TPPP: variants seen among roughly 807,000 people sequenced by gnomAD.
TPPP encodes tubulin polymerization-promoting protein.
In TPPP, 6 loss-of-function variants were observed where a neutral mutation model predicts 15.5. The observed-to-expected ratio is 0.39, with a 90% CI of 0.21 to 0.77. The LOEUF is 0.77. Ranked by LOEUF, TPPP falls within the 30% of genes least tolerant of loss-of-function variation. The probability of loss-of-function intolerance (pLI) is 0.42; values close to 1 mark genes in which losing one functional copy is unlikely to be tolerated. For synonymous variants in TPPP, 146 were observed against 133.9 expected (o/e 1.09, Z -0.63); for missense variants, 269 against 307.2 (o/e 0.88, Z 0.93).
Position 662,056 on chromosome 5 carries a change from C to T in TPPP, c.*3046G>A, listed in dbSNP as rs1417200909. ...CAGCCTCGATCTCATTCACGAAACC[C>T]ACAGGCGTGGCCTAGGGTTTGGGAT... is the stretch of plus-strand genomic sequence containing the variant. On this transcript the variant is annotated 3_prime_UTR_variant, in exon 4 of 4. Transcript: ENST00000360578. The T allele has an allele frequency of 6.6e-6, 1 of 152,428 alleles. No homozygotes were observed. The highest frequency in any genetic ancestry group is 1.9e-4 in the East Asian group (1 of 5,328). 9.4% of individuals were successfully genotyped at this position (152,428 alleles called of 1,614,324 possible). A position where few individuals can be genotyped will look rare whatever the true frequency, so the allele number is the denominator to read the frequency against.
chr5:698,593 AG>A, the TPPP span, among the ~76,000 whole-genome samples: 1 of 151,954 alleles, frequency 6.6e-6, no homozygotes, highest in Admixed American at 6.6e-5. Flanking sequence ...GCCAAGTGAA[AG>A]GGGTTTCCCC....
chr5:661,771 T>G lies in TPPP; in HGVS notation c.*3331A>C, dbSNP rs1179073674. 1 of 152,516 alleles carries G rather than the reference T, an allele frequency of 6.6e-6. No homozygotes were observed. The highest frequency in any genetic ancestry group is 1.9e-4 in the East Asian group (1 of 5,328). The allele number at this position is 152,516 out of a possible 1,614,324, so 9.4% of individuals were successfully genotyped here. A position where few individuals can be genotyped will look rare whatever the true frequency, so the allele number is the denominator to read the frequency against. On this transcript the variant is annotated 3_prime_UTR_variant, in exon 4 of 4. Coordinates refer to ENST00000360578, the MANE Select transcript of TPPP (RefSeq NM_007030.3). The stretch of plus-strand genomic sequence containing the variant: ...GTGGTGACCACTATGTCCTCGTGAC[T>G]TTATTTTTGCTACCCCTCCTGGCTA...
At chr5:676,929 C>T (rs1035974985) in intron 2 of TPPP, among the ~76,000 whole-genome samples, 13 of 146,144 alleles carry the variant, frequency 8.9e-5, no homozygotes, top group African/African-American at 3.0e-4. Context: ...CAGAAACGCA[C>T]GCGCGCACAC....
At chr5:667,406 A>T (rs182081360) in intron 2 of TPPP, among the ~76,000 whole-genome samples, 1 of 152,286 alleles carries the variant, frequency 6.6e-6, no homozygotes, top group East Asian at 1.9e-4. Flanking sequence ...ACTGCACACT[A>T]TATACAAAAC....
chr5:669,076 C>CG (rs986086533), intron 2 of TPPP, among the ~76,000 whole-genome samples: 28 of 152,354 alleles, frequency 1.8e-4, no homozygotes, highest in African/African-American at 5.3e-4. Context: ...ACCAAGTGCT[C>CG]GGGGTCCCAC....
intron 2 of TPPP, among the ~76,000 whole-genome samples, chr5:673,429 G>A (rs1161910208): frequency 6.6e-6 from 1 of 152,084 alleles, no homozygotes; most frequent in East Asian, 1.9e-4. Flanking sequence ...TGGGGGGCCA[G>A]GGTCACAGGG....
At chr5:668,255 G>A (rs76677870) in intron 2 of TPPP, among the ~76,000 whole-genome samples, 63 of 31,898 alleles carry the variant, frequency 2.0e-3, no homozygotes, top group Non-Finnish European at 2.6e-3. Flanking sequence ...AGGGAAGTGC[G>A]GACAAGCACA....
chr5:697,803 G>A (rs1279982695), upstream of TPPP, among the ~76,000 whole-genome samples: 5 of 149,860 alleles, frequency 3.3e-5, no homozygotes, highest in South Asian at 6.5e-4. Context: ...CCAAGAAATC[G>A]AAGAGGGGGG....
At chr5:678,971 AG>A (rs1414034752) in intron 1 of TPPP, among the ~76,000 whole-genome samples, 1 of 152,052 alleles carries the variant, frequency 6.6e-6, no homozygotes. Flanking sequence ...TGCTGGACTC[AG>A]GGCATGAAAG....
At chr5:695,574 A>C (rs1740997107), upstream of TPPP, among the ~76,000 whole-genome samples, 1 of 150,650 alleles carries the variant, frequency 6.6e-6, no homozygotes, top group Non-Finnish European at 1.5e-5. Context: ...TCCGAGATCA[A>C]GGCCTGTGCG....
At chr5:693,593 G>A (rs1452821259), upstream of TPPP, among the ~76,000 whole-genome samples, 2 of 151,708 alleles carry the variant, frequency 1.3e-5, no homozygotes, top group Non-Finnish European at 1.5e-5. Context: ...TCCGCTCAGC[G>A]CAGGGCGCGG....
rs1739770268 is a variant in TPPP, at chr5:663,543, G to C, written c.*1559C>G. 6.6e-6 allele frequency: 1 copy of C among 152,458 alleles called. No individual in the cohort carries two copies. The highest frequency in any genetic ancestry group is 2.4e-5 in the African/African-American group (1 of 41,476). 9.4% of individuals were successfully genotyped at this position (152,458 alleles called of 1,614,324 possible). On this transcript the variant is annotated 3_prime_UTR_variant, in exon 4 of 4. Transcript: ENST00000360578. ...CCTCAGCGGACCATGCTGGCTGGGA[G>C]CTCCGCCCTGGGGCTTCTGCTCTGC...
the TPPP span, among the ~76,000 whole-genome samples, chr5:699,164 G>A: frequency 6.6e-6 from 1 of 151,930 alleles, no homozygotes; most frequent in African/African-American, 2.4e-5. Flanking sequence ...AACCCAAAAA[G>A]AGCCCAACTA....
At chr5:693,969 T>G (rs1234841473), upstream of TPPP, among the ~76,000 whole-genome samples, 1 of 146,782 alleles carries the variant, frequency 6.8e-6, no homozygotes, top group East Asian at 2.0e-4. Flanking sequence ...GGGAGACGGG[T>G]CCGTGCCGGG....
At chr5:700,505 G>A in the TPPP span, among the ~76,000 whole-genome samples, 1 of 151,972 alleles carries the variant, frequency 6.6e-6, no homozygotes, top group Non-Finnish European at 1.5e-5. Context: ...CTATTCAGGC[G>A]ATGGGTACAC....
In TPPP at chr5:662,275, C is replaced by G. The variant is rs764359922; in HGVS notation, c.*2827G>C. On this transcript the variant is annotated 3_prime_UTR_variant, in exon 4 of 4. Transcript: ENST00000360578. ...TGACAGGGCCTGCTCCCTGCGAGGTCGGGTGGTGCCCGGGCCGGGCGGAGG... is the reference window on the plus strand; with the variant it reads ...TGACAGGGCCTGCTCCCTGCGAGGTGGGGTGGTGCCCGGGCCGGGCGGAGG... 2 of 152,628 alleles carry G rather than the reference C, an allele frequency of 1.3e-5. No homozygotes were observed. Among genetic ancestry groups the G allele is most frequent in the African/African-American group, 4.8e-5 (2 of 41,446 alleles). The allele number at this position is 152,628 out of a possible 1,614,324, so 9.5% of individuals were successfully genotyped here.
At chr5:697,269 G>A (rs1489144960), upstream of TPPP, among the ~76,000 whole-genome samples, 5 of 120,396 alleles carry the variant, frequency 4.2e-5, no homozygotes, top group Non-Finnish European at 9.3e-5. Context: ...GTCAGGGGCT[G>A]ATGAGGAGGG....
In TPPP at chr5:661,860, G is replaced by A. The variant is rs1361523519; in HGVS notation, c.*3242C>T. On this transcript the variant is annotated 3_prime_UTR_variant, in exon 4 of 4. Coordinates refer to ENST00000360578, the MANE Select transcript of TPPP (RefSeq NM_007030.3). The stretch of plus-strand genomic sequence containing the variant: ...TTCGCTTTGGAGCTGAGTGGAGAAG[G>A]GTGCTCTCCTGGCTCCCGCATGTCT... The A allele has an allele frequency of 6.6e-6, 1 of 152,352 alleles. No homozygotes were observed. The highest frequency in any genetic ancestry group is 6.5e-5 in the Admixed American group (1 of 15,290). 9.4% of individuals were successfully genotyped at this position (152,352 alleles called of 1,614,324 possible).
At chr5:697,793 C>A (rs1741041467), upstream of TPPP, among the ~76,000 whole-genome samples, 1 of 150,624 alleles carries the variant, frequency 6.6e-6, no homozygotes, top group Non-Finnish European at 1.5e-5. Flanking sequence ...TGAAACTATT[C>A]CAAGAAATCG....
Sources: gnomAD v4.1 joint callset for allele counts (sites outside exome capture counted in the v4.1 genomes callset) on GRCh38, gnomAD v4.1.1 for gene constraint, MANE v1.5 for transcripts, NCBI Gene and HGNC (gene_info 2026-07-23, HGNC 2026-07-21) for gene names.